Variants in KIAA1217 observed in about 807,000 individuals in gnomAD.
The protein encoded by KIAA1217 is KIAA1217.
In KIAA1217, 88 loss-of-function variants were observed where a neutral mutation model predicts 163.9. The observed-to-expected ratio is 0.54, with a 90% CI of 0.45 to 0.64. The LOEUF is 0.64. Among genes scored for constraint, KIAA1217 ranks in the 30% least tolerant of loss-of-function variants. The pLI, the probability that KIAA1217 is intolerant of heterozygous loss-of-function variation, is 0.00. For missense variants in KIAA1217, 2,372 were observed against 2,475.0 expected, an observed-to-expected ratio of 0.96 and a Z score of 0.88; for synonymous variants, 903 against 923.1, an observed-to-expected ratio of 0.98 and a Z score of 0.39.
chr10:23,968,433 A>G (rs1845163641), intron 1 of KIAA1217, among the ~76,000 whole-genome samples: 1 of 152,184 alleles, frequency 6.6e-6, no homozygotes, highest in African/African-American at 2.4e-5. Flanking sequence ...TATGGAAAGC[A>G]CCCAGTGCTG....
chr10:24,234,675 AAAAAGAAACTACATAC>A (rs954320658), intron 2 of KIAA1217, among the ~76,000 whole-genome samples: 6 of 151,532 alleles, frequency 4.0e-5, no homozygotes, highest in Non-Finnish European at 8.8e-5. Context: ...AAAAAAAAAA[AAAAAGAAACTACATAC>A]AAAAAACTTG....
chr10:24,378,827 G>A (rs142810410), intron 2 of KIAA1217, among the ~76,000 whole-genome samples: 300 of 152,232 alleles, frequency 2.0e-3, no homozygotes, highest in Middle Eastern at 3.4e-3. Flanking sequence ...AAAAAGAGGA[G>A]TTTACATTTG....
At chr10:23,795,548 A>G (rs1356191343) in intron 1 of KIAA1217, among the ~76,000 whole-genome samples, 1 of 152,208 alleles carries the variant, frequency 6.6e-6, no homozygotes, top group Non-Finnish European at 1.5e-5. Context: ...AGGCAAAATC[A>G]TAAATCATTA....
At chr10:23,780,226 C>T (rs1460830340) in intron 1 of KIAA1217, among the ~76,000 whole-genome samples, 1 of 152,172 alleles carries the variant, frequency 6.6e-6, no homozygotes, top group Non-Finnish European at 1.5e-5. Context: ...TACAGTTGCA[C>T]AAGTTAACAC....
At chr10:24,008,210 T>A (rs1226367836) in intron 2 of KIAA1217, among the ~76,000 whole-genome samples, 12 of 149,666 alleles carry the variant, frequency 8.0e-5, no homozygotes, top group Non-Finnish European at 1.6e-4. Flanking sequence ...AGATAGATTA[T>A]TTATCTTGTC....
At chr10:23,744,492 C>A (rs892383836) in intron 1 of KIAA1217, among the ~76,000 whole-genome samples, 1 of 152,072 alleles carries the variant, frequency 6.6e-6, no homozygotes, top group African/African-American at 2.4e-5. Context: ...CTTTTATTGA[C>A]CACTGTTAAG....
At chr10:24,010,025 A>G (rs1414369692) in intron 2 of KIAA1217, among the ~76,000 whole-genome samples, 2 of 152,126 alleles carry the variant, frequency 1.3e-5, no homozygotes, top group Non-Finnish European at 2.9e-5. Context: ...TAGGGGTTGG[A>G]TATCTTATAA....
At chr10:24,141,867 G>GTT (rs35176557) in intron 2 of KIAA1217, among the ~76,000 whole-genome samples, 1,923 of 149,522 alleles carry the variant, frequency 0.013, 33 homozygotes, top group African/African-American at 0.043. Flanking sequence ...AATTTCTATT[G>GTT]TTTTTTTTTA....
At chr10:23,992,376 A>G (rs2131441348) in intron 1 of KIAA1217, among the ~76,000 whole-genome samples, 1 of 152,218 alleles carries the variant, frequency 6.6e-6, no homozygotes, top group Admixed American at 6.5e-5. Flanking sequence ...TGATGGATCC[A>G]GAAGGAGATG....
At position 24,219,691 on chromosome 10, in the gene KIAA1217, C is replaced by T. The variant is rs61850390; in HGVS notation, c.136C>T (p.Arg46Cys). The T allele has an allele frequency of 3.2e-3, 5,180 of 1,613,778 alleles. 17 individuals carry two copies. Among genetic ancestry groups the T allele is most frequent in the Non-Finnish European group, 4.1e-3 (4,817 of 1,179,806 alleles). The change falls in exon 2 of 21, where the codon CGC (arginine) becomes TGC (cysteine). Residue 46 changes from arginine (R) to cysteine (C), a missense_variant. Transcript: ENST00000376454. The stretch of plus-strand genomic sequence containing the variant: ...TGCAGAATGCCGCAGAACCAAGGAA[C>T]GCCTTTCTAATGGAAACAGTCGTGG... ...EDAECRRTKE[R>C]LSNGNSRGSV...
At chr10:24,089,983 A>G (rs947158047) in intron 2 of KIAA1217, among the ~76,000 whole-genome samples, 1 of 151,652 alleles carries the variant, frequency 6.6e-6, no homozygotes, top group African/African-American at 2.4e-5. Context: ...CTGCATTGCC[A>G]AGTCAATCCT....
intron 3 of KIAA1217, among the ~76,000 whole-genome samples, chr10:24,411,962 C>G (rs1425156425): frequency 6.6e-6 from 1 of 151,970 alleles, no homozygotes; most frequent in Non-Finnish European, 1.5e-5. Flanking sequence ...AGGTAACATC[C>G]AACTCGTACA....
In KIAA1217 at chr10:24,546,132, G is replaced by A. The variant is rs570245552; in HGVS notation, c.5640G>A (p.Pro1880=). The part of the protein sequence containing the change: ...TGKGHHLSFS[P]QSQNGRAPPP... ...AAGGTCACCATCTTTCATTCTCACC[G>A]CAGAGTCAAAATGGCCGAGCACCCC... is the stretch of plus-strand genomic sequence containing the variant. The change falls in exon 21 of 21, where the codon CCG becomes CCA. Residue 1880 remains proline, a synonymous_variant. Coordinates refer to ENST00000376454, the MANE Select transcript of KIAA1217 (RefSeq NM_019590.5). 4.4e-5 allele frequency: 71 copies of A among 1,613,864 alleles called. No homozygotes were observed. In the South Asian group the frequency reaches 5.2e-4, roughly 12 times the overall value.
chr10:24,124,419 A>G (rs921284696), intron 2 of KIAA1217, among the ~76,000 whole-genome samples: 5 of 152,068 alleles, frequency 3.3e-5, no homozygotes, highest in Admixed American at 1.3e-4. Flanking sequence ...AGTAACATTT[A>G]TATATTTTTA....
intron 2 of KIAA1217, chr10:24,158,262 A>G: frequency 5.6e-6 from 4 of 720,162 alleles, no homozygotes; most frequent in Non-Finnish European, 1.1e-5. Flanking sequence ...TCGGTCAGTC[A>G]TGAAAGATGA....
chr10:23,831,940 C>T (rs866880610), intron 1 of KIAA1217, among the ~76,000 whole-genome samples: 3 of 152,134 alleles, frequency 2.0e-5, no homozygotes, highest in Non-Finnish European at 4.4e-5. Context: ...TTTCTACCCT[C>T]ATGCACCACT....
chr10:24,025,874 AACTT>A (rs1481810097), intron 2 of KIAA1217, among the ~76,000 whole-genome samples: 4 of 151,816 alleles, frequency 2.6e-5, no homozygotes, highest in Admixed American at 6.6e-5. Context: ...GACCTTACTA[AACTT>A]ACTTACTGCT....
intron 2 of KIAA1217, among the ~76,000 whole-genome samples, chr10:24,065,987 T>C (rs2060927620): frequency 6.6e-6 from 1 of 152,172 alleles, no homozygotes; most frequent in Non-Finnish European, 1.5e-5. Context: ...TTGTTTTCCA[T>C]TTGCTTGGTA....
intron 2 of KIAA1217, among the ~76,000 whole-genome samples, chr10:24,286,579 T>C (rs220356): frequency 3.3e-5 from 5 of 152,122 alleles, no homozygotes; most frequent in Non-Finnish European, 7.3e-5. Flanking sequence ...GGAGGTATTA[T>C]TATAGATTTA....
Sources: allele counts gnomAD v4.1 joint callset (sites outside exome capture counted in the v4.1 genomes callset), GRCh38; gene constraint gnomAD v4.1.1; transcripts MANE v1.5; gene names NCBI Gene and HGNC (gene_info 2026-07-23, HGNC 2026-07-21).